Variants in CNTN4 observed in about 807,000 individuals in gnomAD.
CNTN4 encodes contactin 4.
CNTN4 carries 77 observed loss-of-function variants against 122.5 expected under a neutral mutation model. That is an observed-to-expected ratio of 0.63 (90% CI 0.52 to 0.76). The LOEUF (loss-of-function observed/expected upper bound fraction) is 0.76. Among genes scored for constraint, CNTN4 ranks in the 30% least tolerant of loss-of-function variants. The probability of loss-of-function intolerance (pLI) is 0.00; values close to 1 mark genes in which losing one functional copy is unlikely to be tolerated. For missense variants in CNTN4, 1,256 were observed against 1,259.1 expected (o/e 1.00, Z 0.04); for synonymous variants, 512 against 447.0 (o/e 1.15, Z -1.83).
chr3:2,543,825 T>G (rs1479883751), intron 3 of CNTN4, among the ~76,000 whole-genome samples: 2 of 152,134 alleles, frequency 1.3e-5, no homozygotes, highest in Non-Finnish European at 2.9e-5. Flanking sequence ...TTAAGTTGTT[T>G]TAAGTGCTGT....
intron 2 of CNTN4, among the ~76,000 whole-genome samples, chr3:2,294,740 C>A (rs11925117): frequency 0.11 from 16,002 of 151,908 alleles, 842 homozygotes; most frequent in Non-Finnish European, 0.12. Context: ...GGTTTGTTAC[C>A]TATGTATACA....
chr3:2,618,377 A>G (rs1403668804), intron 4 of CNTN4, among the ~76,000 whole-genome samples: 1 of 152,170 alleles, frequency 6.6e-6, no homozygotes, highest in South Asian at 2.1e-4. Flanking sequence ...GTATATATAC[A>G]TGTTTACGTA....
intron 7 of CNTN4, among the ~76,000 whole-genome samples, chr3:2,850,167 T>G (rs1239274277): frequency 6.6e-6 from 1 of 152,028 alleles, no homozygotes. Flanking sequence ...TCTTTGTATT[T>G]TTAGTAGAGA....
chr3:3,037,975 G>A (rs1249464113), intron 18 of CNTN4, among the ~76,000 whole-genome samples: 1 of 152,148 alleles, frequency 6.6e-6, no homozygotes, highest in Non-Finnish European at 1.5e-5. Context: ...AGGCCTACAT[G>A]TGCCGTCTTT....
At chr3:2,566,459 G>C (rs1217048739) in intron 3 of CNTN4, among the ~76,000 whole-genome samples, 2 of 152,180 alleles carry the variant, frequency 1.3e-5, no homozygotes, top group African/African-American at 2.4e-5. Context: ...GTCCACAAGA[G>C]ATGTTAGCTG....
At chr3:2,384,782 GT>G (rs1388737793) in intron 3 of CNTN4, among the ~76,000 whole-genome samples, 4 of 152,048 alleles carry the variant, frequency 2.6e-5, no homozygotes, top group Admixed American at 6.6e-5. Context: ...GTGTGTGTGT[GT>G]GTGTGTTCAT....
chr3:2,160,142 A>C (rs1227780572), intron 2 of CNTN4, among the ~76,000 whole-genome samples: 6 of 152,304 alleles, frequency 3.9e-5, no homozygotes, highest in African/African-American at 1.4e-4. Context: ...CTAAATTATA[A>C]TTTTAAATTT....
At chr3:2,169,649 C>T (rs546524049) in intron 2 of CNTN4, among the ~76,000 whole-genome samples, 4 of 151,860 alleles carry the variant, frequency 2.6e-5, no homozygotes, top group African/African-American at 9.6e-5. Context: ...CACCCGCCTC[C>T]GCCTCCCAAA....
chr3:2,849,759 C>T (rs1284094655), intron 7 of CNTN4, among the ~76,000 whole-genome samples: 1 of 152,194 alleles, frequency 6.6e-6, no homozygotes, highest in Non-Finnish European at 1.5e-5. Context: ...ACTCTGTTGT[C>T]TCCTATGGCC....
In CNTN4 at chr3:2,205,912, A is replaced by T. The variant is rs554374950; in HGVS notation, c.-145+105273A>T. ...CTGAATCAGCAGTTCTGAAAGATAA[A>T]AGTCTCATTTTGAGGAAATGCAAAA... On this transcript the variant is annotated intron_variant, in intron 2 of 24. Transcript: ENST00000418658. Among the ~76,000 whole-genome samples, 23 of 152,252 alleles carry T rather than the reference A, an allele frequency of 1.5e-4. 1 individual carries two copies. The South Asian group carries it at 4.8e-3, about 32-fold the overall frequency.
At chr3:2,433,337 T>A (rs75092259) in intron 3 of CNTN4, among the ~76,000 whole-genome samples, 12 of 152,354 alleles carry the variant, frequency 7.9e-5, no homozygotes, top group African/African-American at 2.9e-4. Context: ...CTAACAGATA[T>A]CAGGTGATAG....
intron 3 of CNTN4, among the ~76,000 whole-genome samples, chr3:2,540,903 A>T (rs747051209): frequency 2.0e-5 from 3 of 152,286 alleles, no homozygotes; most frequent in Non-Finnish European, 2.9e-5. Context: ...CAAACTAACA[A>T]TGGAACCAAT....
At chr3:2,725,861 G>A (rs933199221) in intron 4 of CNTN4, among the ~76,000 whole-genome samples, 1 of 152,148 alleles carries the variant, frequency 6.6e-6, no homozygotes, top group African/African-American at 2.4e-5. Flanking sequence ...ATAGAACGAA[G>A]ACCAATGACA....
chr3:2,386,046 T>G (rs1243309018), intron 3 of CNTN4, among the ~76,000 whole-genome samples: 4 of 152,122 alleles, frequency 2.6e-5, no homozygotes, highest in Non-Finnish European at 5.9e-5. Flanking sequence ...ACACTACTTA[T>G]TAATTTTCAT....
intron 24 of CNTN4, 66 bp from the exon 25 acceptor site, chr3:3,056,054 C>A (rs563086675): frequency 2.5e-6 from 3 of 1,183,032 alleles, no homozygotes; most frequent in African/African-American, 3.0e-5. Context: ...CAAAAAGCCC[C>A]GTGGCCCCTC....
intron 3 of CNTN4, among the ~76,000 whole-genome samples, chr3:2,401,678 T>C (rs1005900640): frequency 7.9e-5 from 12 of 151,934 alleles, no homozygotes; most frequent in Non-Finnish European, 1.5e-4. Flanking sequence ...TTATTAGGAG[T>C]GAACAGTGCA....
At chr3:2,209,036 C>T (rs2038489033) in intron 2 of CNTN4, among the ~76,000 whole-genome samples, 1 of 152,132 alleles carries the variant, frequency 6.6e-6, no homozygotes, top group African/African-American at 2.4e-5. Flanking sequence ...ATCAAATTCA[C>T]AATAATTCTG....
chr3:3,012,107 A>T (rs1697292445), intron 14 of CNTN4, among the ~76,000 whole-genome samples: 1 of 152,140 alleles, frequency 6.6e-6, no homozygotes, highest in Non-Finnish European at 1.5e-5. Context: ...TTCAAAACTC[A>T]GTTTCTTAGC....
chr3:2,856,680 G>T (rs2093621940), intron 7 of CNTN4, among the ~76,000 whole-genome samples: 2 of 152,204 alleles, frequency 1.3e-5, no homozygotes, highest in African/African-American at 2.4e-5. Context: ...ACTATGTATT[G>T]TATGAATCCA....
Sources: gnomAD v4.1 joint callset for allele counts (sites outside exome capture counted in the v4.1 genomes callset) on GRCh38, gnomAD v4.1.1 for gene constraint, MANE v1.5 for transcripts, NCBI Gene and HGNC (gene_info 2026-07-23, HGNC 2026-07-21) for gene names.